Variants in MFF observed in about 807,000 individuals in gnomAD.
The protein encoded by MFF is mitochondrial fission factor.
Under a neutral mutation model 36.9 loss-of-function variants are expected in MFF, and 12 were observed. The ratio of observed to expected loss-of-function variants is 0.33; its 90% CI spans 0.21 to 0.53. The LOEUF (loss-of-function observed/expected upper bound fraction) is 0.53. MFF is among the 20% of genes least tolerant of loss of function. The pLI is 0.95. For missense variants in MFF, 348 were observed against 366.6 expected, an observed-to-expected ratio of 0.95 and a Z score of 0.42; for synonymous variants, 99 against 126.2, an observed-to-expected ratio of 0.78 and a Z score of 1.44.
At chr2:227,327,746 A>G (rs769785050) in intron 1 of MFF, among the ~76,000 whole-genome samples, 13 of 152,260 alleles carry the variant, frequency 8.5e-5, no homozygotes, top group Non-Finnish European at 1.9e-4. Flanking sequence ...AGCACATTTC[A>G]AGGAGATACT....
rs778364774 is a variant in MFF, at chr2:227,347,247, G to A, written c.462G>A (p.Gln154=). 1 of 1,613,674 alleles carries A rather than the reference G, an allele frequency of 6.2e-7. No individual in the cohort carries two copies. The highest frequency in any genetic ancestry group is 8.5e-7 in the Non-Finnish European group (1 of 1,179,708). Residue 154 remains glutamine (Q), a synonymous_variant, in exon 6 of 9, where the codon CAG becomes CAA. Coordinates refer to ENST00000304593, the MANE Select transcript of MFF (RefSeq NM_001277062.2). ...ACAGTGTGACACCATCGCCACAACA[G>A]GCTCGGGTCTGTCCTCCCCATATGT... ...NDSLVTPSPQ[Q]ARVCPPHMLP... is the part of the protein sequence containing the mutation.
chr2:227,357,493 A>C lies in MFF; in HGVS notation c.*376A>C, dbSNP rs117726606. The C allele has an allele frequency of 6.1e-4, 98 of 161,524 alleles. 1 individual carries two copies. The East Asian group carries it at 0.014, about 23-fold the overall frequency. The allele number at this position is 161,524 out of a possible 1,614,324, so 10.0% of individuals were successfully genotyped here. A position where few individuals can be genotyped will look rare whatever the true frequency, so the allele number is the denominator to read the frequency against. On this transcript the variant is annotated 3_prime_UTR_variant, in exon 9 of 9. Transcript: ENST00000304593. ...AGAAAAGTGTCTGTGAAAGAAAAAC[A>C]ATTATTTTGTCCTGTTTCTCAAACA...
At chr2:227,327,262 G>GTT (rs1240500666) in intron 1 of MFF, among the ~76,000 whole-genome samples, 6 of 152,114 alleles carry the variant, frequency 3.9e-5, no homozygotes, top group Non-Finnish European at 8.8e-5. Context: ...GAAATCATCT[G>GTT]TGATTCTAAG....
chr2:227,325,881 T>G (rs552870743), intron 1 of MFF, among the ~76,000 whole-genome samples: 3 of 152,244 alleles, frequency 2.0e-5, no homozygotes, highest in African/African-American at 7.2e-5. Flanking sequence ...GTTTTTGTGT[T>G]GTTTTGTGGC....
intron 4 of MFF, among the ~76,000 whole-genome samples, chr2:227,336,138 G>A (rs2074985283): frequency 6.6e-6 from 1 of 152,224 alleles, no homozygotes; most frequent in Admixed American, 6.5e-5. Context: ...TAAAGAAAGA[G>A]TTGGAAAATG....
intron 7 of MFF, among the ~76,000 whole-genome samples, 156 bp downstream of exon 7, chr2:227,352,729 T>C (rs1443799156): frequency 1.3e-5 from 2 of 152,174 alleles, no homozygotes; most frequent in Admixed American, 6.6e-5. Flanking sequence ...CTAAGAACAG[T>C]GAATAATCAG....
intron 4 of MFF, among the ~76,000 whole-genome samples, chr2:227,336,673 T>A (rs540057469): frequency 1.3e-4 from 19 of 152,000 alleles, no homozygotes; most frequent in African/African-American, 4.6e-4. Context: ...GCTGGAGGAG[T>A]AGAAGAAATA....
chr2:227,354,999 A>G (rs1210779402), intron 7 of MFF, among the ~76,000 whole-genome samples: 2 of 152,272 alleles, frequency 1.3e-5, no homozygotes, highest in East Asian at 3.9e-4. Context: ...CATCTCTACT[A>G]AAAGTACAAA....
intron 2 of MFF, chr2:227,329,474 T>G (rs774585754): frequency 2.8e-6 from 1 of 356,102 alleles, no homozygotes; most frequent in Non-Finnish European, 5.1e-6. Context: ...GATTTAACAA[T>G]TGGTTTCTCA....
chr2:227,341,749 T>G (rs2075404764), intron 5 of MFF, among the ~76,000 whole-genome samples: 1 of 152,140 alleles, frequency 6.6e-6, no homozygotes, highest in African/African-American at 2.4e-5. Flanking sequence ...ATTATTTTCT[T>G]TTTGTAACAT....
Position 227,332,411 on chromosome 2 carries a change from ACTC to A in MFF, c.182-5_182-3del. On this transcript the variant is annotated splice_region_variant and splice_polypyrimidine_tract_variant and intron_variant, in intron 3 of 8. Coordinates refer to ENST00000304593, the MANE Select transcript of MFF (RefSeq NM_001277062.2). ...CTCTTCTTTGTCTCTTTTCTTGAAA[ACTC>A]CTAGGAAATAATGAAGATGTTTCAT... is the stretch of plus-strand genomic sequence containing the variant. 2.0e-6 allele frequency: 3 copies of A among 1,476,032 alleles called. No individual in the cohort carries two copies. Among genetic ancestry groups the A allele is most frequent in the Non-Finnish European group, 2.7e-6 (3 of 1,113,968 alleles). The allele number at this position is 1,476,032 out of a possible 1,614,324, so 91.4% of individuals were successfully genotyped here.
Position 227,340,242 on chromosome 2 carries a change from A to G in MFF, c.352-50A>G, listed in dbSNP as rs180717114. On this transcript the variant is annotated intron_variant, in intron 4 of 8. Transcript: ENST00000304593. ...GTTCTTTTGATGCTAAGCAGCTACTAGCCTACTAAGAATATTTCTATTTCC... is the reference window on the plus strand; with the variant it reads ...GTTCTTTTGATGCTAAGCAGCTACTGGCCTACTAAGAATATTTCTATTTCC... 1.5e-5 allele frequency: 22 copies of G among 1,462,796 alleles called. No individual in the cohort carries two copies. The African/African-American group carries it at 1.8e-4, about 12-fold the overall frequency. The allele number at this position is 1,462,796 out of a possible 1,614,324, so 90.6% of individuals were successfully genotyped here.
chr2:227,344,847 C>T (rs114427165), intron 5 of MFF, among the ~76,000 whole-genome samples: 2 of 152,106 alleles, frequency 1.3e-5, no homozygotes, highest in African/African-American at 2.4e-5. Context: ...ACAACTAGAA[C>T]CTCAAGTTAT....
intron 4 of MFF, among the ~76,000 whole-genome samples, chr2:227,336,214 G>A (rs144090043): frequency 2.6e-5 from 4 of 152,252 alleles, no homozygotes; most frequent in Admixed American, 6.5e-5. Flanking sequence ...GGACTCTGCC[G>A]TTAAATCCTA....
intron 6 of MFF, among the ~76,000 whole-genome samples, chr2:227,350,548 A>G (rs534571429): frequency 6.6e-6 from 1 of 152,282 alleles, no homozygotes; most frequent in African/African-American, 2.4e-5. Context: ...AAGTATCCCT[A>G]TAAATATACA....
intron 4 of MFF, among the ~76,000 whole-genome samples, chr2:227,332,822 TGTG>T (rs1189183704): frequency 6.6e-6 from 1 of 152,270 alleles, no homozygotes; most frequent in Non-Finnish European, 1.5e-5. Flanking sequence ...ATTAAGTTCC[TGTG>T]GTTTGAAGAA....
chr2:227,334,245 T>C (rs2074817423), intron 4 of MFF, among the ~76,000 whole-genome samples: 2 of 152,178 alleles, frequency 1.3e-5, no homozygotes, highest in Non-Finnish European at 2.9e-5. Context: ...TATATATAAA[T>C]GTTATTGTTA....
intron 6 of MFF, among the ~76,000 whole-genome samples, chr2:227,349,739 G>A (rs890881190): frequency 2.0e-5 from 3 of 152,176 alleles, no homozygotes; most frequent in South Asian, 4.1e-4. Flanking sequence ...ATAAGAAATA[G>A]GAATGTGAAA....
At chr2:227,338,301 G>A (rs1176021291) in intron 4 of MFF, among the ~76,000 whole-genome samples, 1 of 150,804 alleles carries the variant, frequency 6.6e-6, no homozygotes. Context: ...CCCAGGAGGT[G>A]TAGGTTGCAG....
Sources: gnomAD v4.1 joint callset for allele counts (sites outside exome capture counted in the v4.1 genomes callset) on GRCh38, gnomAD v4.1.1 for gene constraint, MANE v1.5 for transcripts, NCBI Gene and HGNC (gene_info 2026-07-23, HGNC 2026-07-21) for gene names.